UMAD1: variants seen among roughly 807,000 people sequenced by gnomAD.
UMAD1 encodes UBAP1-MVB12-associated (UMA)-domain containing protein 1.
Under a neutral mutation model 6.1 loss-of-function variants are expected in UMAD1, and 8 were observed. The ratio of observed to expected loss-of-function variants is 1.30; its 90% CI spans 0.76 to 2.35. The LOEUF is 2.35. Ranked by LOEUF, UMAD1 falls within the 30% of genes most tolerant of loss-of-function variation. The pLI, the probability that UMAD1 is intolerant of heterozygous loss-of-function variation, is 0.00. For synonymous variants in UMAD1, 56 were observed against 31.4 expected, an observed-to-expected ratio of 1.78 and a Z score of -2.61; for missense variants, 130 against 78.4, an observed-to-expected ratio of 1.66 and a Z score of -2.49.
At chr7:7,673,505 AAATT>A in intron 2 of UMAD1, 52 bp downstream of exon 2, 8 of 675,708 alleles carry the variant, frequency 1.2e-5, no homozygotes, top group Admixed American at 2.4e-5. Flanking sequence ...TCTCTTTAAA[AAATT>A]ACTTGAAAAT....
chr7:7,799,309 T>C (rs1333551293), intron 2 of UMAD1, among the ~76,000 whole-genome samples: 2 of 152,254 alleles, frequency 1.3e-5, no homozygotes, highest in African/African-American at 2.4e-5. Context: ...TAATCATTTA[T>C]TGTCCTATCT....
chr7:7,663,386 T>A (rs140890868), intron 1 of UMAD1, among the ~76,000 whole-genome samples: 238 of 152,290 alleles, frequency 1.6e-3, no homozygotes, highest in African/African-American at 5.4e-3. Context: ...TCCAAGCTGT[T>A]CTGTGGAGCT....
intron 3 of UMAD1, among the ~76,000 whole-genome samples, chr7:7,868,950 G>A (rs574897103): frequency 6.6e-6 from 1 of 152,110 alleles, no homozygotes; most frequent in Non-Finnish European, 1.5e-5. Context: ...TGTATATATA[G>A]GTGCTGTTCT....
At chr7:7,782,391 G>T (rs990311878) in intron 2 of UMAD1, among the ~76,000 whole-genome samples, 26 of 151,982 alleles carry the variant, frequency 1.7e-4, no homozygotes, top group African/African-American at 5.6e-4. Flanking sequence ...ATGCGTGCAT[G>T]TAAGATACCA....
At chr7:7,824,612 G>A (rs1190489578) in intron 3 of UMAD1, among the ~76,000 whole-genome samples, 1 of 152,136 alleles carries the variant, frequency 6.6e-6, no homozygotes, top group Non-Finnish European at 1.5e-5. Flanking sequence ...ATGCTTCACA[G>A]TGTTTTGTCA....
At chr7:7,853,201 T>C (rs913018506) in intron 3 of UMAD1, among the ~76,000 whole-genome samples, 10 of 152,238 alleles carry the variant, frequency 6.6e-5, no homozygotes, top group Non-Finnish European at 1.3e-4. Flanking sequence ...TCTCTGCTTA[T>C]GTCAATACCA....
At chr7:7,715,874 G>A (rs1282737463) in intron 2 of UMAD1, among the ~76,000 whole-genome samples, 1 of 152,144 alleles carries the variant, frequency 6.6e-6, no homozygotes. Context: ...ATAGCATAGA[G>A]CAAAATTTAC....
chr7:7,721,245 A>G (rs146250300), intron 2 of UMAD1, among the ~76,000 whole-genome samples: 1 of 152,140 alleles, frequency 6.6e-6, no homozygotes, highest in African/African-American at 2.4e-5. Context: ...CGTTTGTACC[A>G]TTTTGCTATG....
intron 2 of UMAD1, among the ~76,000 whole-genome samples, chr7:7,757,738 C>T (rs537899371): frequency 6.6e-6 from 1 of 152,194 alleles, no homozygotes; most frequent in African/African-American, 2.4e-5. Context: ...GTAGCAATTC[C>T]CACGTTTAGG....
chr7:7,812,108 G>C (rs1783031988), intron 3 of UMAD1, among the ~76,000 whole-genome samples: 1 of 152,124 alleles, frequency 6.6e-6, no homozygotes, highest in African/African-American at 2.4e-5. Context: ...TAATTGAAAG[G>C]TCATAATTCT....
rs148163259 is a variant in UMAD1, at chr7:7,706,408, C to T, written c.82+32955C>T. The stretch of plus-strand genomic sequence containing the variant: ...GAGAGAGAAGTTCAGGAAATACCAA[C>T]AGAGCATGGGAACTGTACTAGGTTC... On this transcript the variant is annotated intron_variant, in intron 2 of 3. Transcript: ENST00000682710. Among the ~76,000 whole-genome samples the T allele has an allele frequency of 2.0e-3, 301 of 152,270 alleles. 3 individuals carry two copies. The highest frequency in any genetic ancestry group is 7.0e-3 in the African/African-American group (291 of 41,554).
intron 1 of UMAD1, among the ~76,000 whole-genome samples, chr7:7,652,570 C>G (rs927442635): frequency 6.6e-6 from 1 of 152,092 alleles, no homozygotes. Context: ...TTGCTTTGTG[C>G]CCATTGACAT....
At chr7:7,654,656 A>C (rs906316999) in intron 1 of UMAD1, among the ~76,000 whole-genome samples, 1 of 152,174 alleles carries the variant, frequency 6.6e-6, no homozygotes, top group African/African-American at 2.4e-5. Flanking sequence ...TAATCCCAGC[A>C]CTTTGGGAGC....
chr7:7,868,603 C>T (rs952360536), intron 3 of UMAD1: 2 of 151,638 alleles, frequency 1.3e-5, no homozygotes, highest in African/African-American at 4.9e-5. Flanking sequence ...AATCATGAGC[C>T]AGAAGGTAAA....
intron 2 of UMAD1, among the ~76,000 whole-genome samples, chr7:7,699,049 T>TG (rs63713363): frequency 0.037 from 5,275 of 143,454 alleles, 125 homozygotes; most frequent in Non-Finnish European, 0.053. Context: ...TGTGTGTGTG[T>TG]GGGGGGGGGG....
At chr7:7,853,795 A>T (rs1448628303) in intron 3 of UMAD1, among the ~76,000 whole-genome samples, 1 of 152,120 alleles carries the variant, frequency 6.6e-6, no homozygotes, top group Non-Finnish European at 1.5e-5. Context: ...AACTATTATT[A>T]TTGTCATCGA....
chr7:7,688,938 C>G (rs1186943464), intron 2 of UMAD1, among the ~76,000 whole-genome samples: 1 of 152,112 alleles, frequency 6.6e-6, no homozygotes, highest in Admixed American at 6.6e-5. Flanking sequence ...GTTAACTTAT[C>G]TATTACTTGG....
chr7:7,839,372 G>A (rs905544519), intron 3 of UMAD1, among the ~76,000 whole-genome samples: 1 of 151,984 alleles, frequency 6.6e-6, no homozygotes, highest in Admixed American at 6.6e-5. Context: ...CATCATGCCA[G>A]GCTAATTTAA....
At chr7:7,781,483 T>A (rs6463720) in intron 2 of UMAD1, among the ~76,000 whole-genome samples, 77,689 of 151,762 alleles carry the variant, frequency 0.51, 19,979 homozygotes, top group African/African-American at 0.58. Flanking sequence ...GAAAAAAATG[T>A]CATATTTATA....
Sources: gnomAD v4.1 joint callset for allele counts (sites outside exome capture counted in the v4.1 genomes callset) on GRCh38, gnomAD v4.1.1 for gene constraint, MANE v1.5 for transcripts, NCBI Gene and HGNC (gene_info 2026-07-23, HGNC 2026-07-21) for gene names.